Variants in COL3A1 observed in about 807,000 individuals in gnomAD.
COL3A1 encodes the protein collagen type III alpha 1 chain, also known as collagen alpha-1(III) chain.
COL3A1 carries 46 observed loss-of-function variants against 200.9 expected under a neutral mutation model. That is an observed-to-expected ratio of 0.23 (90% CI 0.18 to 0.29). The LOEUF (loss-of-function observed/expected upper bound fraction) is 0.29. COL3A1 is among the 10% of genes least tolerant of loss of function. The pLI, the probability that COL3A1 is intolerant of heterozygous loss-of-function variation, is 1.00. For missense variants in COL3A1, 1,367 were observed against 1,917.6 expected (o/e 0.71, Z 5.36); for synonymous variants, 650 against 628.0 (o/e 1.03, Z -0.52).
chr2:189,002,421 G>A (rs950216886), intron 35 of COL3A1, 70 bp downstream of exon 35: 1 of 1,415,252 alleles, frequency 7.1e-7, no homozygotes, highest in African/African-American at 1.4e-5. Flanking sequence ...AATTACAAAA[G>A]TATAGTCAAG....
intron 8 of COL3A1, 93 bp from the exon 9 acceptor site, chr2:188,990,003 T>A (rs1408740068): frequency 8.5e-7 from 1 of 1,183,070 alleles, no homozygotes; most frequent in East Asian, 2.3e-5. Context: ...ATGAGTCCTT[T>A]GTGAGAAAAA....
chr2:188,974,529 G>A lies in COL3A1; in HGVS notation c.40G>A (p.Ala14Thr), dbSNP rs547373542. The A allele has an allele frequency of 6.8e-6, 11 of 1,613,904 alleles. No individual in the cohort carries two copies. The highest frequency in any genetic ancestry group is 1.1e-5 in the South Asian group (1 of 91,088). The change falls in exon 1 of 51, where the codon GCT becomes ACT. Residue 14 changes from alanine to threonine, a missense_variant. Ala to Thr is a moderately conservative substitution (Grantham distance 58). This residue lies in a region of COL3A1 where 55 missense variants were observed against 51.5 expected (regional missense o/e 1.07). Coordinates refer to ENST00000304636, the MANE Select transcript of COL3A1 (RefSeq NM_000090.4). The stretch of plus-strand genomic sequence containing the variant: ...GCAAAAGGGGAGCTGGCTACTTCTC[G>A]CTCTGCTTCATCCCACTATTATTTT... ...FVQKGSWLLL[A>T]LLHPTIILAQ...
At chr2:188,992,375 C>A in intron 14 of COL3A1, 147 bp downstream of exon 14, 1 of 734,824 alleles carries the variant, frequency 1.4e-6, no homozygotes, top group Non-Finnish European at 2.2e-6. Context: ...TCTCTGTTGA[C>A]CATTTTTACA....
intron 34 of COL3A1, 55 bp from the exon 35 acceptor site, chr2:189,002,243 C>T (rs969000743): frequency 5.8e-6 from 8 of 1,380,976 alleles, no homozygotes; most frequent in Non-Finnish European, 8.3e-6. Context: ...CATTTCCTGC[C>T]TAAAGGAGAT....
At chr2:188,990,947 A>G (rs909778418) in intron 10 of COL3A1, 57 bp from the exon 11 acceptor site, 44 of 1,539,086 alleles carry the variant, frequency 2.9e-5, no homozygotes, top group Non-Finnish European at 4.0e-5. Context: ...AACTTTATCA[A>G]TCATTCTAGA....
chr2:188,986,420 GA>G (rs2153501579), intron 4 of COL3A1, among the ~76,000 whole-genome samples: 1 of 152,062 alleles, frequency 6.6e-6, no homozygotes, highest in African/African-American at 2.4e-5. Flanking sequence ...AATTCAACAA[GA>G]ACCAAAGTAT....
At position 189,010,878 on chromosome 2, in the gene COL3A1, G is replaced by T; in HGVS notation, c.4242G>T (p.Glu1414Asp). Residue 1414 changes from glutamate (E) to aspartate (D), a missense_variant, in exon 50 of 51, where the codon GAG becomes GAT. By Grantham distance (45) the Glu-to-Asp change is conservative. Coordinates refer to ENST00000304636, the MANE Select transcript of COL3A1 (RefSeq NM_000090.4). ...GNSKFTYTVL[E>D]DGCTKHTGEW... ...GCAAATTCACCTACACAGTTCTGGA[G>T]GATGGTTGCACGGTAGGAAACATTT... is the stretch of plus-strand genomic sequence containing the variant. 6.8e-6 allele frequency: 11 copies of T among 1,614,122 alleles called. No homozygotes were observed. Among genetic ancestry groups the T allele is most frequent in the Non-Finnish European group, 8.5e-6 (10 of 1,179,974 alleles).
intron 50 of COL3A1, among the ~76,000 whole-genome samples, 155 bp from the exon 51 acceptor site, chr2:189,011,473 A>G (rs1277119761): frequency 6.6e-6 from 1 of 152,252 alleles, no homozygotes; most frequent in Non-Finnish European, 1.5e-5. Context: ...TAAGAAGATT[A>G]CAGCTTTGAA....
chr2:188,993,347 G>A lies in COL3A1; in HGVS notation c.1051-14G>A. 1.3e-6 allele frequency: 2 copies of A among 1,558,276 alleles called. No homozygotes were observed. The highest frequency in any genetic ancestry group is 1.4e-5 in the African/African-American group (1 of 73,610). ...GTGGTAAGAGAAACTGACTACACAA[G>A]GTTTTACCATTAGGGTGAAGTTGGA... On this transcript the variant is annotated splice_polypyrimidine_tract_variant and intron_variant, in intron 15 of 50. Coordinates refer to ENST00000304636, the MANE Select transcript of COL3A1 (RefSeq NM_000090.4).
At chr2:189,009,460 T>C (rs560175488) in intron 48 of COL3A1, among the ~76,000 whole-genome samples, 1 of 149,726 alleles carries the variant, frequency 6.7e-6, no homozygotes, top group Admixed American at 6.8e-5. Context: ...GAAGTTGTAG[T>C]ATAAATTGTA....
intron 32 of COL3A1, among the ~76,000 whole-genome samples, chr2:189,000,192 T>C (rs1688426066): frequency 6.6e-6 from 1 of 152,170 alleles, no homozygotes; most frequent in African/African-American, 2.4e-5. Context: ...TCAATGCTGC[T>C]CATTAAGAAA....
chr2:189,008,826 A>G lies in COL3A1; in HGVS notation c.3526-98A>G, dbSNP rs561837868. On this transcript the variant is annotated intron_variant, in intron 47 of 50. Transcript: ENST00000304636. ...TAAAATAATTCTGATGACACAATGAATGAATTATTTTTAAGGCATTTTCTT... is the reference window on the plus strand; with the variant it reads ...TAAAATAATTCTGATGACACAATGAGTGAATTATTTTTAAGGCATTTTCTT... 3.1e-6 allele frequency: 4 copies of G among 1,305,052 alleles called. No homozygotes were observed. The East Asian group carries it at 6.9e-5, about 23-fold the overall frequency. 80.8% of individuals were successfully genotyped at this position (1,305,052 alleles called of 1,614,324 possible).
intron 4 of COL3A1, among the ~76,000 whole-genome samples, chr2:188,986,603 T>G (rs1286398655): frequency 6.6e-6 from 1 of 152,068 alleles, no homozygotes; most frequent in African/African-American, 2.4e-5. Context: ...TTAGTCATAT[T>G]AACCAGAATC....
At chr2:188,999,406 A>G in intron 30 of COL3A1, 23 bp downstream of exon 30, 1 of 1,613,626 alleles carries the variant, frequency 6.2e-7, no homozygotes, top group South Asian at 1.1e-5. Context: ...CATTCCATTC[A>G]CCTAGGTTTA....
chr2:188,983,065 A>T (rs1312131020), intron 1 of COL3A1, among the ~76,000 whole-genome samples: 1 of 151,954 alleles, frequency 6.6e-6, no homozygotes, highest in Non-Finnish European at 1.5e-5. Context: ...CACTGAGATA[A>T]GCATTTTGGT....
intron 8 of COL3A1, 82 bp downstream of exon 8, chr2:188,989,531 C>A (rs1351631375): frequency 3.9e-6 from 4 of 1,020,420 alleles, no homozygotes; most frequent in Admixed American, 4.8e-5. Context: ...TGTCAGAATC[C>A]CAGAAGAAAA....
At position 189,010,834 on chromosome 2, in the gene COL3A1, T is replaced by C. The variant is rs1277366959; in HGVS notation, c.4198T>C (p.Phe1400Leu). 1.2e-6 allele frequency: 2 copies of C among 1,614,122 alleles called. No homozygotes were observed. Among genetic ancestry groups the C allele is most frequent in the East Asian group, 2.2e-5 (1 of 44,874 alleles). Residue 1400 changes from phenylalanine to leucine, a missense_variant, in exon 50 of 51, where the codon TTC becomes CTC. By Grantham distance (22) the Phe-to-Leu change is conservative (BLOSUM62 0). Around this residue, in one of 5 missense-constraint regions of COL3A1, gnomAD observed 846 missense variants for 1,147.9 expected, o/e 0.74. Transcript: ENST00000304636. ...GCTGATGGGGTCAAATGAAGGTGAA[T>C]TCAAGGCTGAAGGAAATAGCAAATT... ...LKLMGSNEGE[F>L]KAEGNSKFTY...
At position 189,003,104 on chromosome 2, in the gene COL3A1, A is replaced by G. The variant is rs527665410; in HGVS notation, c.2553+42A>G. ...TTCTCTGTCTATCTATCTATCATCTATCTATCTATTGATTATCTGTCTATC... is the reference window on the plus strand; with the variant it reads ...TTCTCTGTCTATCTATCTATCATCTGTCTATCTATTGATTATCTGTCTATC... On this transcript the variant is annotated intron_variant, in intron 36 of 50. Transcript: ENST00000304636. The G allele has an allele frequency of 7.8e-6, 11 of 1,411,642 alleles. No individual in the cohort carries two copies. The East Asian group carries it at 2.0e-4, about 25-fold the overall frequency. 87.4% of individuals were successfully genotyped at this position (1,411,642 alleles called of 1,614,324 possible).
Position 188,978,023 on chromosome 2 carries a change from T to A in COL3A1, c.79+3455T>A, listed in dbSNP as rs1687859915. On this transcript the variant is annotated intron_variant, in intron 1 of 50. Coordinates refer to ENST00000304636, the MANE Select transcript of COL3A1 (RefSeq NM_000090.4). ...CCTTGTATTTACTTACCTGAGCTTT[T>A]TTTCTAGGGAAAGAAAAATGCTCAG... The A allele has an allele frequency of 8.0e-6, 3 of 376,616 alleles. No individual in the cohort carries two copies. The Admixed American group carries it at 1.3e-4, about 16-fold the overall frequency. 23.3% of individuals were successfully genotyped at this position (376,616 alleles called of 1,614,324 possible).
Sources: gnomAD v4.1 joint callset for allele counts (sites outside exome capture counted in the v4.1 genomes callset) on GRCh38, gnomAD v4.1.1 for gene constraint, gnomAD v4.1.1 regional missense constraint, MANE v1.5 for transcripts, NCBI Gene and HGNC (gene_info 2026-07-23, HGNC 2026-07-21) for gene names.